BMP2K: variants seen among roughly 807,000 people sequenced by gnomAD.
The protein encoded by BMP2K is BMP2 inducible kinase.
In BMP2K, 74 loss-of-function variants were observed where a neutral mutation model predicts 116.0. The observed-to-expected ratio is 0.64, with a 90% CI of 0.53 to 0.77. The LOEUF (loss-of-function observed/expected upper bound fraction) is 0.77. Among genes scored for constraint, BMP2K ranks in the 30% least tolerant of loss-of-function variants. The probability of loss-of-function intolerance (pLI) is 0.00; values close to 1 mark genes in which losing one functional copy is unlikely to be tolerated. For synonymous variants in BMP2K, 486 were observed against 502.5 expected (o/e 0.97, Z 0.44); for missense variants, 1,365 against 1,403.6 (o/e 0.97, Z 0.44).
intron 11 of BMP2K, 112 bp from the exon 12 acceptor site, chr4:78,871,738 T>C: frequency 1.7e-6 from 1 of 603,410 alleles, no homozygotes. Context: ...CTATTTTGTA[T>C]TGATGTTTGG....
intron 1 of BMP2K, among the ~76,000 whole-genome samples, chr4:78,803,576 G>A (rs189952766): frequency 2.8e-3 from 423 of 151,716 alleles, no homozygotes; most frequent in African/African-American, 9.8e-3. Context: ...ATGGGGTTTC[G>A]CCATGTTGTC....
chr4:78,788,251 T>TA (rs1243739724), intron 1 of BMP2K, among the ~76,000 whole-genome samples: 1 of 152,150 alleles, frequency 6.6e-6, no homozygotes. Flanking sequence ...TATTCTGAAA[T>TA]ATTTGTTCAG....
At chr4:78,832,543 T>C (rs937279206) in intron 2 of BMP2K, among the ~76,000 whole-genome samples, 6 of 152,174 alleles carry the variant, frequency 3.9e-5, no homozygotes, top group Non-Finnish European at 8.8e-5. Context: ...TTAAGGCTGT[T>C]AGCTAGAAGG....
chr4:78,778,195 G>C (rs1278560794), intron 1 of BMP2K, among the ~76,000 whole-genome samples: 1 of 152,096 alleles, frequency 6.6e-6, no homozygotes, highest in Non-Finnish European at 1.5e-5. Flanking sequence ...CTAAATCCCA[G>C]ATGGGTCTTT....
chr4:78,874,175 TCACACACACA>T (rs148882911), intron 13 of BMP2K, among the ~76,000 whole-genome samples: 3 of 148,302 alleles, frequency 2.0e-5, no homozygotes, highest in African/African-American at 7.4e-5. Context: ...AGACTCCATC[TCACACACACA>T]CACACACACA....
At chr4:78,793,715 A>G (rs550898953) in intron 1 of BMP2K, among the ~76,000 whole-genome samples, 1 of 152,304 alleles carries the variant, frequency 6.6e-6, no homozygotes, top group South Asian at 2.1e-4. Flanking sequence ...TGAGATATGC[A>G]GTGTGAATAA....
chr4:78,776,696 C>T lies in BMP2K; in HGVS notation c.153C>T (p.Val51=). 2.4e-6 allele frequency: 3 copies of T among 1,260,894 alleles called. No homozygotes were observed. Among genetic ancestry groups the T allele is most frequent in the Non-Finnish European group, 3.0e-6 (3 of 998,880 alleles). The allele number at this position is 1,260,894 out of a possible 1,614,324, so 78.1% of individuals were successfully genotyped here. The change falls in exon 1 of 16, where the codon GTC becomes GTT. Residue 51 remains valine (V), a synonymous_variant. Transcript: ENST00000502613. ...TGTTCGCGGTCGGCCGCCACCAGGT[C>T]ACCCTGGAAGAGTCGCTGGCCGAAG... ...VRVFAVGRHQ[V]TLEESLAEGG... is the part of the protein sequence containing the mutation.
At position 78,914,637 on chromosome 4, in the gene BMP2K, AT is replaced by A. The variant is rs1734887909; in HGVS notation, c.*2605del. ...CACAGTACCTGGCACACAGCACTCA[AT>A]AAAAGTTTGGCTCTATTATGGGATG... is the stretch of plus-strand genomic sequence containing the variant. On this transcript the variant is annotated 3_prime_UTR_variant, in exon 16 of 16. Transcript: ENST00000502613. The A allele has an allele frequency of 1.3e-5, 2 of 151,850 alleles. No individual in the cohort carries two copies. The highest frequency in any genetic ancestry group is 4.8e-5 in the African/African-American group (2 of 41,366). The allele number at this position is 151,850 out of a possible 1,614,324, so 9.4% of individuals were successfully genotyped here.
chr4:78,874,611 C>T (rs1411185633), intron 13 of BMP2K, among the ~76,000 whole-genome samples: 3 of 152,112 alleles, frequency 2.0e-5, no homozygotes, highest in African/African-American at 7.2e-5. Context: ...TCTTCTCTGA[C>T]GTAGCATATA....
chr4:78,785,655 AAG>A lies in BMP2K; in HGVS notation c.178+8936_178+8937del, dbSNP rs536081917. 3.1e-3 allele frequency among the ~76,000 whole-genome samples: 479 copies of A among 152,320 alleles called. 2 individuals are homozygous for A. The highest frequency in any genetic ancestry group is 6.8e-3 in the Middle Eastern group (2 of 294). On this transcript the variant is annotated intron_variant, in intron 1 of 15. Coordinates refer to ENST00000502613, the MANE Select transcript of BMP2K (RefSeq NM_198892.2). ...ACAAAACAAAACCTTTTTATTCAAAAAGAATATATGAGGAGGAGGTATGACAG... is the reference window on the plus strand; with the variant it reads ...ACAAAACAAAACCTTTTTATTCAAAAAATATATGAGGAGGAGGTATGACAG...
intron 13 of BMP2K, among the ~76,000 whole-genome samples, chr4:78,875,874 G>A (rs1732608279): frequency 6.6e-6 from 1 of 152,142 alleles, no homozygotes; most frequent in African/African-American, 2.4e-5. Flanking sequence ...CCCTCAATAA[G>A]TGATCCAAGA....
intron 1 of BMP2K, among the ~76,000 whole-genome samples, chr4:78,784,063 G>C (rs1727626431): frequency 6.6e-6 from 1 of 151,974 alleles, no homozygotes; most frequent in Non-Finnish European, 1.5e-5. Flanking sequence ...CAATGTTAGA[G>C]AATGTACTAG....
chr4:78,874,324 A>G (rs1732531720), intron 13 of BMP2K, among the ~76,000 whole-genome samples: 1 of 152,234 alleles, frequency 6.6e-6, no homozygotes. Context: ...GTATAATAAA[A>G]TTAAAACATA....
At chr4:78,780,707 C>A (rs1248515642) in intron 1 of BMP2K, among the ~76,000 whole-genome samples, 2 of 152,184 alleles carry the variant, frequency 1.3e-5, no homozygotes, top group African/African-American at 4.8e-5. Context: ...GTGTGCTAAG[C>A]ACTGCTAGGT....
chr4:78,848,190 A>G (rs929519866), intron 6 of BMP2K, among the ~76,000 whole-genome samples: 4 of 151,672 alleles, frequency 2.6e-5, no homozygotes, highest in South Asian at 2.1e-4. Flanking sequence ...CTTTTCATCT[A>G]TATAACATAT....
chr4:78,853,894 T>C (rs1731375967), intron 7 of BMP2K, among the ~76,000 whole-genome samples: 1 of 152,148 alleles, frequency 6.6e-6, no homozygotes, highest in African/African-American at 2.4e-5. Flanking sequence ...TTGATATCAA[T>C]ATTACAATTC....
At chr4:78,787,925 TG>T (rs538880413) in intron 1 of BMP2K, among the ~76,000 whole-genome samples, 130 of 152,296 alleles carry the variant, frequency 8.5e-4, no homozygotes, top group African/African-American at 3.1e-3. Context: ...TTATTTTTGC[TG>T]GTTGGACCAT....
intron 1 of BMP2K, among the ~76,000 whole-genome samples, chr4:78,804,824 G>T (rs1479132729): frequency 6.6e-6 from 1 of 150,378 alleles, no homozygotes; most frequent in African/African-American, 2.5e-5. Flanking sequence ...CTGGATACTA[G>T]ATTTTTATTA....
chr4:78,862,140 A>C (rs1423846069), intron 9 of BMP2K, among the ~76,000 whole-genome samples: 1 of 152,018 alleles, frequency 6.6e-6, no homozygotes, highest in Non-Finnish European at 1.5e-5. Context: ...TTTGTATTGT[A>C]TGCTATTTAT....
Sources: gnomAD v4.1 joint callset for allele counts (sites outside exome capture counted in the v4.1 genomes callset) on GRCh38, gnomAD v4.1.1 for gene constraint, MANE v1.5 for transcripts, NCBI Gene and HGNC (gene_info 2026-07-23, HGNC 2026-07-21) for gene names.